Variants in TCF12 observed in about 807,000 individuals in gnomAD.
TCF12 encodes the protein DNA-binding protein HTF4.
In TCF12, 45 loss-of-function variants were observed where a neutral mutation model predicts 86.0. The observed-to-expected ratio is 0.52, with a 90% CI of 0.41 to 0.67. The LOEUF (loss-of-function observed/expected upper bound fraction) is 0.67, where lower values mean the gene tolerates loss of function less well. Among genes scored for constraint, TCF12 ranks in the 30% least tolerant of loss-of-function variants. The pLI, the probability that TCF12 is intolerant of heterozygous loss-of-function variation, is 0.00. For missense variants in TCF12, 881 were observed against 859.9 expected, an observed-to-expected ratio of 1.02 and a Z score of -0.31; for synonymous variants, 330 against 299.6, an observed-to-expected ratio of 1.10 and a Z score of -1.05.
intron 3 of TCF12, among the ~76,000 whole-genome samples, chr15:57,060,588 T>A (rs190689180): frequency 6.6e-6 from 1 of 152,310 alleles, no homozygotes; most frequent in East Asian, 1.9e-4. Context: ...GGTTTATGAG[T>A]CAAGGAACTA....
chr15:57,187,585 A>G (rs776957653), intron 6 of TCF12, among the ~76,000 whole-genome samples: 6 of 152,194 alleles, frequency 3.9e-5, no homozygotes, highest in Admixed American at 2.0e-4. Flanking sequence ...GCCACATTCA[A>G]AGCCGTCCTG....
At chr15:57,231,787 CTT>C (rs1465672137) in intron 9 of TCF12, among the ~76,000 whole-genome samples, 2 of 152,090 alleles carry the variant, frequency 1.3e-5, no homozygotes, top group Non-Finnish European at 2.9e-5. Context: ...GGTTCCTTGA[CTT>C]TATATTGTTG....
At chr15:57,267,900 A>G (rs1375410195) in intron 18 of TCF12, among the ~76,000 whole-genome samples, 1 of 152,200 alleles carries the variant, frequency 6.6e-6, no homozygotes, top group Admixed American at 6.5e-5. Context: ...TTTCTGTTAC[A>G]GGATTCTTGT....
At chr15:57,187,409 A>G (rs1597165102) in intron 6 of TCF12, among the ~76,000 whole-genome samples, 1 of 152,170 alleles carries the variant, frequency 6.6e-6, no homozygotes, top group African/African-American at 2.4e-5. Flanking sequence ...GAAATTCTAA[A>G]CCAGGGGTAT....
chr15:57,204,864 C>T (rs916522703), intron 8 of TCF12, among the ~76,000 whole-genome samples: 6 of 151,560 alleles, frequency 4.0e-5, no homozygotes, highest in African/African-American at 9.7e-5. Context: ...CCATCTGAAC[C>T]AGTAAGAAAA....
At chr15:56,919,551 G>A (rs1479140129) in intron 1 of TCF12, 8 of 182,602 alleles carry the variant, frequency 4.4e-5, no homozygotes, top group African/African-American at 1.9e-4. Flanking sequence ...GACCCCAGCC[G>A]CGGCCGGGCC....
chr15:57,091,744 C>T, intron 4 of TCF12, 45 bp from the exon 5 acceptor site: 1 of 1,445,052 alleles, frequency 6.9e-7, no homozygotes, highest in Non-Finnish European at 9.7e-7. Context: ...ATTAGCGGGA[C>T]TGCCAAATAA....
rs536542158 is a variant in TCF12 at position 57,194,123 on chromosome 15, T to C, written c.526+1830T>C. On this transcript the variant is annotated intron_variant, in intron 7 of 20. Coordinates refer to ENST00000333725, the MANE Select transcript of TCF12 (RefSeq NM_207037.2). Reference sequence around the variant, plus strand: ...TTAAGTTCAGGGGGAAAATTAGTTATTGAAATAACTAGGGAAGAGGGGAGT... The same window carrying C: ...TTAAGTTCAGGGGGAAAATTAGTTACTGAAATAACTAGGGAAGAGGGGAGT... Among the ~76,000 whole-genome samples the C allele has an allele frequency of 5.3e-5, 8 of 152,288 alleles. No individual in the cohort carries two copies. In the South Asian group the frequency reaches 1.7e-3, roughly 32 times the overall value.
chr15:57,155,811 A>C (rs1028619178), intron 5 of TCF12, among the ~76,000 whole-genome samples: 2 of 152,172 alleles, frequency 1.3e-5, no homozygotes, highest in African/African-American at 2.4e-5. Flanking sequence ...AAACACATGC[A>C]TACAGTCTTA....
rs112460277 is a variant in TCF12, at chr15:57,103,477, A to G, written c.325+11586A>G. ...TGCTGTAGTCCCAGCTACTTTCCAC[A>G]TGTACATTTGGAAAAGTTAAACGCA... On this transcript the variant is annotated intron_variant, in intron 5 of 20. Transcript: ENST00000333725. Among the ~76,000 whole-genome samples, 120 of 152,318 alleles carry G rather than the reference A, an allele frequency of 7.9e-4. 4 individuals carry two copies. Among genetic ancestry groups the G allele is most frequent in the African/African-American group, 2.8e-3 (118 of 41,570 alleles).
chr15:56,976,052 A>G (rs2062578786), intron 3 of TCF12, among the ~76,000 whole-genome samples: 2 of 151,982 alleles, frequency 1.3e-5, no homozygotes, highest in Non-Finnish European at 2.9e-5. Flanking sequence ...GTTTAAATGG[A>G]TGAGTTCATA....
chr15:57,270,882 A>G (rs1237453955), intron 18 of TCF12, among the ~76,000 whole-genome samples: 1 of 152,162 alleles, frequency 6.6e-6, no homozygotes, highest in African/African-American at 2.4e-5. Context: ...TTGCCTGGGT[A>G]TCACCAGCGG....
intron 8 of TCF12, among the ~76,000 whole-genome samples, chr15:57,216,563 TA>T (rs5812872): frequency 0.4 from 51,738 of 129,028 alleles, 11,432 homozygotes; most frequent in Non-Finnish European, 0.53. Flanking sequence ...CATGTTCCTT[TA>T]AAAAAAAAAA....
intron 3 of TCF12, among the ~76,000 whole-genome samples, chr15:56,953,395 T>C (rs2061365179): frequency 6.6e-6 from 1 of 152,102 alleles, no homozygotes; most frequent in African/African-American, 2.4e-5. Flanking sequence ...AATGTTTGCT[T>C]TAACAAATTT....
Position 57,033,108 on chromosome 15 carries a change from T to C in TCF12, c.149-30642T>C, listed in dbSNP as rs953951888. Among the ~76,000 whole-genome samples the C allele has an allele frequency of 2.0e-5, 3 of 152,142 alleles. 1 individual carries two copies. In the South Asian group the frequency reaches 6.2e-4, roughly 31 times the overall value. On this transcript the variant is annotated intron_variant, in intron 3 of 20. Transcript: ENST00000333725. ...GAAAGAGTGAATAAAGATAGGTCAA[T>C]AGAAATTTTTCAATCTGAACAATAA... is the stretch of plus-strand genomic sequence containing the variant.
At position 56,996,543 on chromosome 15, in the gene TCF12, C is replaced by T. The variant is rs189969295; in HGVS notation, c.149-67207C>T. 1.0e-3 allele frequency among the ~76,000 whole-genome samples: 153 copies of T among 152,072 alleles called. 2 individuals carry two copies. The highest frequency in any genetic ancestry group is 1.5e-3 in the Non-Finnish European group (101 of 67,958). ...GACCTCAGACTTTACAAATCCTGTA[C>T]GAAAACCTGGAAATACTCTTCTCAA... On this transcript the variant is annotated intron_variant, in intron 3 of 20. Transcript: ENST00000333725.
At chr15:56,990,968 A>C (rs759437314) in intron 3 of TCF12, among the ~76,000 whole-genome samples, 9 of 151,350 alleles carry the variant, frequency 5.9e-5, no homozygotes, top group Non-Finnish European at 5.9e-5. Context: ...CTAATCCTTA[A>C]ATTTTTTTGT....
At chr15:57,137,322 A>T (rs752774330) in intron 5 of TCF12, among the ~76,000 whole-genome samples, 1 of 152,146 alleles carries the variant, frequency 6.6e-6, no homozygotes, top group East Asian at 1.9e-4. Context: ...ATTGCTTATA[A>T]ATAAAACACA....
At chr15:57,201,673 G>A (rs2057549555) in intron 8 of TCF12, among the ~76,000 whole-genome samples, 1 of 152,150 alleles carries the variant, frequency 6.6e-6, no homozygotes, top group Non-Finnish European at 1.5e-5. Flanking sequence ...CAACTGTTCT[G>A]GCCAAGAGAT....
Sources: allele counts gnomAD v4.1 joint callset (sites outside exome capture counted in the v4.1 genomes callset), GRCh38; gene constraint gnomAD v4.1.1; transcripts MANE v1.5; gene names NCBI Gene and HGNC (gene_info 2026-07-23, HGNC 2026-07-21).